CDIN1: variants seen among roughly 807,000 people sequenced by gnomAD.
The protein encoded by CDIN1 is CDAN1-interacting nuclease 1.
CDIN1 carries 33 observed loss-of-function variants against 45.3 expected under a neutral mutation model. That is an observed-to-expected ratio of 0.73 (90% CI 0.55 to 0.97). The LOEUF is 0.97. CDIN1 is among the 50% of genes least tolerant of loss of function. The probability of loss-of-function intolerance (pLI) is 0.00; values close to 1 mark genes in which losing one functional copy is unlikely to be tolerated. For synonymous variants in CDIN1, 118 were observed against 124.4 expected (o/e 0.95, Z 0.34); for missense variants, 303 against 339.4 (o/e 0.89, Z 0.84).
intron 1 of CDIN1, among the ~76,000 whole-genome samples, chr15:36,600,767 A>C (rs1352899986): frequency 3.9e-5 from 6 of 152,216 alleles, no homozygotes; most frequent in Admixed American, 3.9e-4. Flanking sequence ...CATTTATACC[A>C]GGAGAACTAG....
intron 1 of CDIN1, chr15:36,617,337 A>G: frequency 2.7e-6 from 4 of 1,493,500 alleles, no homozygotes; most frequent in Non-Finnish European, 3.7e-6. Context: ...GAAATACTAC[A>G]GGCATTGAAG....
intron 1 of CDIN1, among the ~76,000 whole-genome samples, chr15:36,639,450 C>A (rs2140383603): frequency 6.6e-6 from 1 of 152,180 alleles, no homozygotes; most frequent in African/African-American, 2.4e-5. Context: ...ACTAAAAATA[C>A]AAAAATTAGC....
chr15:36,593,018 G>C (rs8024495), intron 1 of CDIN1, among the ~76,000 whole-genome samples: 132,257 of 152,176 alleles, frequency 0.87, 57,574 homozygotes, highest in Middle Eastern at 0.96. Flanking sequence ...AGTTTCTTCA[G>C]TTTTTGGTGC....
chr15:36,655,655 T>C (rs1025050768), intron 4 of CDIN1, among the ~76,000 whole-genome samples: 1 of 152,148 alleles, frequency 6.6e-6, no homozygotes, highest in African/African-American at 2.4e-5. Context: ...TATCTAGACT[T>C]GTTTGTTACA....
chr15:36,771,491 TGTG>T (rs1232679400), intron 10 of CDIN1, among the ~76,000 whole-genome samples: 2 of 152,200 alleles, frequency 1.3e-5, no homozygotes, highest in African/African-American at 4.8e-5. Context: ...CCCAGCCAAT[TGTG>T]GTGCACAGCC....
intron 1 of CDIN1, among the ~76,000 whole-genome samples, chr15:36,633,412 A>G (rs1232941988): frequency 6.6e-6 from 1 of 152,056 alleles, no homozygotes; most frequent in African/African-American, 2.4e-5. Flanking sequence ...TACCACATCC[A>G]TATATATATT....
chr15:36,737,208 G>T (rs1405647772), intron 10 of CDIN1, among the ~76,000 whole-genome samples: 2 of 150,354 alleles, frequency 1.3e-5, no homozygotes, highest in Non-Finnish European at 1.5e-5. Flanking sequence ...CTGCCCTTTT[G>T]CATGCCTTTG....
chr15:36,764,319 TCTGTTTTTA>T (rs753930214), intron 10 of CDIN1, among the ~76,000 whole-genome samples: 82 of 151,624 alleles, frequency 5.4e-4, no homozygotes, highest in Non-Finnish European at 7.4e-4. Context: ...TAGAGATAAT[TCTGTTTTTA>T]CTGTTTTATG....
chr15:36,663,728 G>T (rs999407977), intron 5 of CDIN1, among the ~76,000 whole-genome samples: 1 of 152,172 alleles, frequency 6.6e-6, no homozygotes, highest in South Asian at 2.1e-4. Context: ...AAGCAAATTG[G>T]AATAAAACCG....
At chr15:36,607,924 A>G (rs1373065267) in intron 1 of CDIN1, among the ~76,000 whole-genome samples, 1 of 152,104 alleles carries the variant, frequency 6.6e-6, no homozygotes, top group African/African-American at 2.4e-5. Context: ...GTTTCTACCG[A>G]TTTGCCTATC....
At chr15:36,598,289 A>T (rs2140220204) in intron 1 of CDIN1, among the ~76,000 whole-genome samples, 1 of 152,222 alleles carries the variant, frequency 6.6e-6, no homozygotes, top group East Asian at 1.9e-4. Context: ...ACCACACCTG[A>T]CCTGACTTAG....
At position 36,595,341 on chromosome 15, in the gene CDIN1, A is replaced by T. The variant is rs377269253; in HGVS notation, c.101+15380A>T. Among the ~76,000 whole-genome samples the T allele has an allele frequency of 7.1e-4, 86 of 120,470 alleles. No individual in the cohort carries two copies. The South Asian group carries it at 0.011, about 15-fold the overall frequency. 79.0% of individuals were successfully genotyped at this position (120,470 alleles called of 152,430 possible). On this transcript the variant is annotated intron_variant, in intron 1 of 10. Coordinates refer to ENST00000566621, the MANE Select transcript of CDIN1 (RefSeq NM_001321759.2). Reference sequence around the variant, plus strand: ...TATAATATAATATAATATAATATAAAATAATATGATGATATAATGTATTTT... The same window carrying T: ...TATAATATAATATAATATAATATAATATAATATGATGATATAATGTATTTT...
chr15:36,775,189 A>G (rs1039515620), intron 10 of CDIN1, among the ~76,000 whole-genome samples: 1 of 152,224 alleles, frequency 6.6e-6, no homozygotes, highest in Admixed American at 6.5e-5. Context: ...AATACAATGA[A>G]ATTAAATTTG....
At chr15:36,769,975 C>T (rs1450505641) in intron 10 of CDIN1, among the ~76,000 whole-genome samples, 5 of 152,104 alleles carry the variant, frequency 3.3e-5, no homozygotes, top group African/African-American at 4.8e-5. Context: ...GTCAAATGGA[C>T]GATGTCAAGA....
In CDIN1 at chr15:36,604,325, T is replaced by G. The variant is rs901576555; in HGVS notation, c.101+24364T>G. 4.0e-5 allele frequency among the ~76,000 whole-genome samples: 6 copies of G among 151,636 alleles called. No homozygotes were observed. The South Asian group carries it at 1.2e-3, about 32-fold the overall frequency. ...TGTAAATAATAAATTTAAGTGTAATTTATGGTTTTCTAAATTTGATTACCA... is the reference window on the plus strand; with the variant it reads ...TGTAAATAATAAATTTAAGTGTAATGTATGGTTTTCTAAATTTGATTACCA... On this transcript the variant is annotated intron_variant, in intron 1 of 10. Coordinates refer to ENST00000566621, the MANE Select transcript of CDIN1 (RefSeq NM_001321759.2).
chr15:36,711,435 CTGTGTACTTAACAT>C (rs2043052656), intron 10 of CDIN1, among the ~76,000 whole-genome samples: 1 of 152,162 alleles, frequency 6.6e-6, no homozygotes, highest in Non-Finnish European at 1.5e-5. Flanking sequence ...TGAATACCTA[CTGTGTACTTAACAT>C]TCACCATTTA....
At chr15:36,739,901 G>A (rs1311140198) in intron 10 of CDIN1, among the ~76,000 whole-genome samples, 2 of 152,072 alleles carry the variant, frequency 1.3e-5, no homozygotes, top group Admixed American at 6.5e-5. Flanking sequence ...AATATACAAA[G>A]TTTTATTCTT....
At chr15:36,622,954 T>C (rs998005827) in intron 1 of CDIN1, among the ~76,000 whole-genome samples, 1 of 152,232 alleles carries the variant, frequency 6.6e-6, no homozygotes, top group Non-Finnish European at 1.5e-5. Flanking sequence ...TTCTAAATAT[T>C]GAGACACACA....
chr15:36,716,845 C>T (rs1400798951), intron 10 of CDIN1, among the ~76,000 whole-genome samples: 2 of 152,174 alleles, frequency 1.3e-5, no homozygotes, highest in Non-Finnish European at 2.9e-5. Flanking sequence ...TTTACAGGCA[C>T]TGTGTTAGGC....
Sources: gnomAD v4.1 joint callset for allele counts (sites outside exome capture counted in the v4.1 genomes callset) on GRCh38, gnomAD v4.1.1 for gene constraint, MANE v1.5 for transcripts, NCBI Gene and HGNC (gene_info 2026-07-23, HGNC 2026-07-21) for gene names.